OR4N2: variants seen among roughly 807,000 people sequenced by gnomAD.
OR4N2 encodes olfactory receptor family 4 subfamily N member 2, also known as olfactory receptor 4N2.
For synonymous variants in OR4N2, 141 were observed against 140.4 expected (o/e 1.00, Z -0.03); for missense variants, 307 against 377.6 (o/e 0.81, Z 1.55).
At position 19,829,993 on chromosome 14, in the gene OR4N2, G is replaced by A. The variant is rs1343802520; in HGVS notation, c.*1621G>A. 2 of 152,432 alleles carry A rather than the reference G, an allele frequency of 1.3e-5. No individual in the cohort carries two copies. Among genetic ancestry groups the A allele is most frequent in the East Asian group, 3.9e-4 (2 of 5,184 alleles). The allele number at this position is 152,432 out of a possible 1,614,324, so 9.4% of individuals were successfully genotyped here. ...CTACCACTATACAACCTGCATCTGT[G>A]ATTAAGTTTCCTTTAACTTCTCCTG... On this transcript the variant is annotated 3_prime_UTR_variant, in exon 2 of 2. Coordinates refer to ENST00000557677, the MANE Select transcript of OR4N2 (RefSeq NM_001004723.3).
Position 19,829,343 on chromosome 14 carries a change from G to A in OR4N2, c.*971G>A, listed in dbSNP as rs1288256142. 5.9e-5 allele frequency: 9 copies of A among 152,250 alleles called. No individual in the cohort carries two copies. Among genetic ancestry groups the A allele is most frequent in the Non-Finnish European group, 1.2e-4 (8 of 68,056 alleles). The allele number at this position is 152,250 out of a possible 1,614,324, so 9.4% of individuals were successfully genotyped here. ...GTTTAATAACAACAGTCTTTTGGTAGAGCAATCAGGATTTTGTGTCAGAGA... is the reference window on the plus strand; with the variant it reads ...GTTTAATAACAACAGTCTTTTGGTAAAGCAATCAGGATTTTGTGTCAGAGA... On this transcript the variant is annotated 3_prime_UTR_variant, in exon 2 of 2. Transcript: ENST00000557677.
intron 1 of OR4N2, among the ~76,000 whole-genome samples, chr14:19,825,697 A>G (rs1166847492): frequency 6.6e-6 from 1 of 152,086 alleles, no homozygotes; most frequent in Non-Finnish European, 1.5e-5. Flanking sequence ...CTGGGACTAC[A>G]GGCAACCACC....
intron 1 of OR4N2, among the ~76,000 whole-genome samples, chr14:19,827,100 T>G (rs1879718385): frequency 6.6e-6 from 1 of 152,198 alleles, no homozygotes; most frequent in Admixed American, 6.5e-5. Flanking sequence ...ACCTTCAGAT[T>G]TGAAGTTAGG....
At chr14:19,807,368 C>A (rs1879190830) in intron 1 of OR4N2, among the ~76,000 whole-genome samples, 1 of 151,872 alleles carries the variant, frequency 6.6e-6, no homozygotes, top group Non-Finnish European at 1.5e-5. Flanking sequence ...AGCAGAAGAC[C>A]CAAATGAGTA....
At chr14:19,814,063 C>A (rs1326511170) in intron 1 of OR4N2, among the ~76,000 whole-genome samples, 1 of 152,024 alleles carries the variant, frequency 6.6e-6, no homozygotes, top group Non-Finnish European at 1.5e-5. Context: ...TTATTACCCC[C>A]AAATCTGTGT....
chr14:19,818,348 T>A (rs1354013657), intron 1 of OR4N2, among the ~76,000 whole-genome samples: 2 of 152,102 alleles, frequency 1.3e-5, no homozygotes, highest in African/African-American at 4.8e-5. Flanking sequence ...GGACTTGCTT[T>A]ATGAATATGA....
At chr14:19,826,678 G>A (rs555019456) in intron 1 of OR4N2, among the ~76,000 whole-genome samples, 327 of 152,300 alleles carry the variant, frequency 2.1e-3, no homozygotes, top group African/African-American at 7.7e-3. Context: ...GTCACACTGG[G>A]AACAGAGAAA....
chr14:19,822,363 GT>G (rs1426333747), intron 1 of OR4N2: 1 of 152,268 alleles, frequency 6.6e-6, no homozygotes, highest in African/African-American at 2.4e-5. Flanking sequence ...TGCAGAAATG[GT>G]AGGCTAAAAG....
chr14:19,807,344 T>G (rs1879190022), intron 1 of OR4N2, among the ~76,000 whole-genome samples: 1 of 151,896 alleles, frequency 6.6e-6, no homozygotes, highest in Admixed American at 6.6e-5. Flanking sequence ...CTAGCTAGAT[T>G]AACATAGAAA....
rs1441544603 is a variant in OR4N2 at position 19,828,702 on chromosome 14, CTTGAAGAGCTGACGTT to C, written c.*334_*349del. On this transcript the variant is annotated 3_prime_UTR_variant, in exon 2 of 2. Coordinates refer to ENST00000557677, the MANE Select transcript of OR4N2 (RefSeq NM_001004723.3). ...TTTGTGTTTAATAATCAAAAAAGAC[CTTGAAGAGCTGACGTT>C]TTGGATGATATCTGGATAAACTGAA... 69 of 241,992 alleles carry C rather than the reference CTTGAAGAGCTGACGTT, an allele frequency of 2.9e-4. No homozygotes were observed. Among genetic ancestry groups the C allele is most frequent in the Middle Eastern group, 1.5e-3 (1 of 678 alleles). The allele number at this position is 241,992 out of a possible 1,614,324, so 15.0% of individuals were successfully genotyped here.
chr14:19,828,012 C>T lies in OR4N2; in HGVS notation c.564C>T (p.Ala188=), dbSNP rs747226437. ...ATGTCCCACAGGTCATCAAGCTGGC[C>T]TGCACCGACACATTTGTGGTGGAGC... is the stretch of plus-strand genomic sequence containing the variant. ...FCDVPQVIKL[A]CTDTFVVELL... Residue 188 remains alanine (A), a synonymous_variant, in exon 2 of 2, where the codon GCC becomes GCT. Coordinates refer to ENST00000557677, the MANE Select transcript of OR4N2 (RefSeq NM_001004723.3). 2.5e-6 allele frequency: 4 copies of T among 1,614,238 alleles called. No homozygotes were observed. Among genetic ancestry groups the T allele is most frequent in the Non-Finnish European group, 3.4e-6 (4 of 1,180,046 alleles).
chr14:19,812,250 TA>T (rs1433642071), intron 1 of OR4N2, among the ~76,000 whole-genome samples: 5 of 151,362 alleles, frequency 3.3e-5, no homozygotes, highest in Non-Finnish European at 7.4e-5. Flanking sequence ...GCCATAGAAG[TA>T]AAAAAAGAAA....
chr14:19,823,717 C>T (rs1277090742), intron 1 of OR4N2, among the ~76,000 whole-genome samples: 1 of 140,464 alleles, frequency 7.1e-6, no homozygotes, highest in Non-Finnish European at 1.6e-5. Context: ...TTAAAGAGAA[C>T]AAAATAAATA....
In OR4N2 at chr14:19,828,296, A is replaced by G. The variant is rs1879777658; in HGVS notation, c.848A>G (p.Asn283Ser). The G allele has an allele frequency of 1.2e-6, 2 of 1,614,074 alleles. No individual in the cohort carries two copies. Among genetic ancestry groups the G allele is most frequent in the Admixed American group, 1.7e-5 (1 of 60,006 alleles). ...LFHTVIFPLL[N>S]PVIYTLRNQE... ...CACACAGTGATTTTTCCTTTGTTGA[A>G]TCCTGTCATTTATACCCTTCGCAAC... Residue 283 changes from asparagine to serine, a missense_variant, in exon 2 of 2, where the codon AAT (asparagine) becomes AGT (serine). Asn to Ser is a conservative substitution (Grantham distance 46, BLOSUM62 1). Coordinates refer to ENST00000557677, the MANE Select transcript of OR4N2 (RefSeq NM_001004723.3).
At chr14:19,816,591 T>G (rs771259221) in intron 1 of OR4N2, among the ~76,000 whole-genome samples, 29 of 152,268 alleles carry the variant, frequency 1.9e-4, no homozygotes, top group Non-Finnish European at 3.7e-4. Flanking sequence ...AAGGAGATTT[T>G]GGGCTAAGAA....
At chr14:19,814,305 T>C (rs1401774514) in intron 1 of OR4N2, among the ~76,000 whole-genome samples, 1 of 152,256 alleles carries the variant, frequency 6.6e-6, no homozygotes, top group African/African-American at 2.4e-5. Flanking sequence ...ATGCATCTTT[T>C]CATGCTATGT....
Position 19,828,334 on chromosome 14 carries a change from G to A in OR4N2, c.886G>A (p.Ala296Thr). 3 of 1,613,346 alleles carry A rather than the reference G, an allele frequency of 1.9e-6. No homozygotes were observed. The highest frequency in any genetic ancestry group is 2.5e-6 in the Non-Finnish European group (3 of 1,179,796). Residue 296 changes from alanine (A) to threonine (T), a missense_variant, in exon 2 of 2, where the codon GCT becomes ACT. Physicochemically the swap from Ala to Thr is moderately conservative, Grantham distance 58 (BLOSUM62 0). Coordinates refer to ENST00000557677, the MANE Select transcript of OR4N2 (RefSeq NM_001004723.3). ...TACCCTTCGCAACCAGGAAGTGAAA[G>A]CTTCCATGAAAAAGGTGTTTAATAA... ...IYTLRNQEVKASMKKVFNKHI... is the reference protein window; with the variant it reads ...IYTLRNQEVKTSMKKVFNKHI...
At chr14:19,816,809 C>T (rs1338974245) in intron 1 of OR4N2, among the ~76,000 whole-genome samples, 8 of 152,334 alleles carry the variant, frequency 5.3e-5, no homozygotes, top group African/African-American at 1.9e-4. Flanking sequence ...TTTGCCCATT[C>T]GGTATGATAT....
chr14:19,822,942 CA>C (rs1411145031), intron 1 of OR4N2, among the ~76,000 whole-genome samples: 1 of 152,198 alleles, frequency 6.6e-6, no homozygotes, highest in East Asian at 1.9e-4. Context: ...AAATGATTCC[CA>C]AACCAGGGAT....
Sources: gnomAD v4.1 joint callset for allele counts (sites outside exome capture counted in the v4.1 genomes callset) on GRCh38, gnomAD v4.1.1 for gene constraint, MANE v1.5 for transcripts, NCBI Gene and HGNC (gene_info 2026-07-23, HGNC 2026-07-21) for gene names.